POU6F2: variants seen among roughly 807,000 people sequenced by gnomAD.
The protein encoded by POU6F2 is POU class 6 homeobox 2.
A neutral mutation model predicts 71.3 loss-of-function variants in POU6F2; 31 were observed. That is an observed-to-expected ratio of 0.43 (90% CI 0.33 to 0.59). The LOEUF (loss-of-function observed/expected upper bound fraction) is 0.59. POU6F2 is among the 20% of genes least tolerant of loss of function. The pLI is 0.04. For synonymous variants in POU6F2, 347 were observed against 355.7 expected (o/e 0.98, Z 0.27); for missense variants, 783 against 856.8 (o/e 0.91, Z 1.07).
At chr7:39,304,003 C>A (rs944297921) in intron 4 of POU6F2, among the ~76,000 whole-genome samples, 1 of 152,158 alleles carries the variant, frequency 6.6e-6, no homozygotes, top group Non-Finnish European at 1.5e-5. Context: ...GATAATGTCA[C>A]CCCTTTGCAC....
intron 7 of POU6F2, 50 bp from the exon 8 acceptor site, chr7:39,451,483 C>G: frequency 6.6e-7 from 1 of 1,513,704 alleles, no homozygotes; most frequent in South Asian, 1.2e-5. Flanking sequence ...TGGCATTTTT[C>G]CCCTAATTTT....
In POU6F2 at chr7:39,310,973, C is replaced by A. The variant is rs1032372470; in HGVS notation, c.599-28669C>A. On this transcript the variant is annotated intron_variant, in intron 4 of 9. Transcript: ENST00000518318. ...TCCTTTGTTTCCAGTGAAAGCGACTCATCCTGAATTGGGGGGACAGTTAGG... is the reference window on the plus strand; with the variant it reads ...TCCTTTGTTTCCAGTGAAAGCGACTAATCCTGAATTGGGGGGACAGTTAGG... Among the ~76,000 whole-genome samples, 5 of 152,182 alleles carry A rather than the reference C, an allele frequency of 3.3e-5. No homozygotes were observed. The East Asian group carries it at 9.6e-4, about 29-fold the overall frequency.
intron 2 of POU6F2, among the ~76,000 whole-genome samples, chr7:39,156,080 T>A (rs1792863693): frequency 6.6e-6 from 1 of 152,142 alleles, no homozygotes; most frequent in Non-Finnish European, 1.5e-5. Flanking sequence ...GATAGAGACA[T>A]AATGACCTAA....
chr7:39,305,951 T>TCA (rs1279732312), intron 4 of POU6F2, among the ~76,000 whole-genome samples: 2 of 152,154 alleles, frequency 1.3e-5, no homozygotes, highest in Admixed American at 1.3e-4. Context: ...GAAATATGAC[T>TCA]CAATTTCTTT....
chr7:39,358,624 G>A (rs1477215176), intron 5 of POU6F2, among the ~76,000 whole-genome samples: 1 of 152,134 alleles, frequency 6.6e-6, no homozygotes, highest in Admixed American at 6.5e-5. Context: ...GTTATTTAAG[G>A]CTCAAGGGCA....
At chr7:39,143,664 T>C (rs960127176) in intron 2 of POU6F2, among the ~76,000 whole-genome samples, 26 of 152,152 alleles carry the variant, frequency 1.7e-4, no homozygotes, top group African/African-American at 6.0e-4. Context: ...CTGAGGTTTT[T>C]GTATTAGTCT....
At chr7:39,101,122 G>A (rs1231401812) in intron 2 of POU6F2, among the ~76,000 whole-genome samples, 1 of 149,874 alleles carries the variant, frequency 6.7e-6, no homozygotes, top group Non-Finnish European at 1.5e-5. Flanking sequence ...CACCCAGGCT[G>A]GAGTGCAATG....
rs183860602 is a variant in POU6F2, at chr7:39,409,080, T to A, written c.1113+2340T>A. 2.0e-5 allele frequency among the ~76,000 whole-genome samples: 3 copies of A among 152,340 alleles called. No individual in the cohort carries two copies. The East Asian group carries it at 5.8e-4, about 29-fold the overall frequency. ...ATACATTGGAACCAGATTCTTACAA[T>A]TAGCCTTTCTCAAAATACCATGTAA... On this transcript the variant is annotated intron_variant, in intron 6 of 9. Coordinates refer to ENST00000518318, the MANE Select transcript of POU6F2 (RefSeq NM_001370959.1).
intron 1 of POU6F2, among the ~76,000 whole-genome samples, chr7:39,069,923 T>C (rs970462422): frequency 6.6e-6 from 1 of 152,120 alleles, no homozygotes; most frequent in African/African-American, 2.4e-5. Context: ...GGTGCAGACC[T>C]GTGTAATTCA....
chr7:39,377,139 A>G (rs991872263), intron 5 of POU6F2, among the ~76,000 whole-genome samples: 12 of 149,582 alleles, frequency 8.0e-5, no homozygotes, highest in South Asian at 6.3e-4. Flanking sequence ...AATTATATAT[A>G]TATTTTTTTG....
rs1785868275 is a variant in POU6F2, at chr7:39,339,715, G to GCAGCCT, written c.674_679dup (p.Gln225_Pro226dup). The GCAGCCT allele has an allele frequency of 6.2e-7, 1 of 1,605,608 alleles. No homozygotes were observed. The highest frequency in any genetic ancestry group is 8.5e-7 in the Non-Finnish European group (1 of 1,177,868). Reference sequence around the variant, plus strand: ...AGCAGCAGCAGCAGCAGCAGCAGCAGCAGCCTCCCCCGTCAACCAACCAGC... The same window carrying GCAGCCT: ...AGCAGCAGCAGCAGCAGCAGCAGCAGCAGCCTCAGCCTCCCCCGTCAACCAACCAGC... On this transcript the variant is annotated inframe_insertion, in exon 5 of 10. Coordinates refer to ENST00000518318, the MANE Select transcript of POU6F2 (RefSeq NM_001370959.1).
intron 4 of POU6F2, among the ~76,000 whole-genome samples, chr7:39,229,852 T>G (rs932769552): frequency 7.9e-5 from 12 of 152,190 alleles, no homozygotes; most frequent in African/African-American, 2.4e-4. Context: ...ACTGACGTTT[T>G]GAGGATCTCG....
chr7:39,143,586 A>C (rs1792552167), intron 2 of POU6F2, among the ~76,000 whole-genome samples: 1 of 152,190 alleles, frequency 6.6e-6, no homozygotes. Flanking sequence ...GACTGACCAG[A>C]GATGGACATT....
chr7:39,237,169 G>A (rs757880472), intron 4 of POU6F2, among the ~76,000 whole-genome samples: 51 of 152,288 alleles, frequency 3.3e-4, no homozygotes, highest in Middle Eastern at 3.4e-3. Flanking sequence ...GGAGAGAGAA[G>A]GCGCATCAGC....
In POU6F2 at chr7:39,289,979, AAAG is replaced by A. The variant is rs533220718; in HGVS notation, c.599-49660_599-49658del. Among the ~76,000 whole-genome samples, 166 of 152,282 alleles carry A rather than the reference AAAG, an allele frequency of 1.1e-3. No individual in the cohort carries two copies. The South Asian group carries it at 0.031, about 29-fold the overall frequency. On this transcript the variant is annotated intron_variant, in intron 4 of 9. Coordinates refer to ENST00000518318, the MANE Select transcript of POU6F2 (RefSeq NM_001370959.1). ...GTTCTCACCACCCAGTGACATTTAC[AAAG>A]AATAGGCATAAGACTCAGGATGACA...
chr7:39,036,807 T>C (rs184152188), intron 1 of POU6F2, among the ~76,000 whole-genome samples: 1 of 151,970 alleles, frequency 6.6e-6, no homozygotes, highest in Non-Finnish European at 1.5e-5. Flanking sequence ...TATTTATTAT[T>C]CCATTTAATT....
At chr7:39,154,939 C>T (rs996764115) in intron 2 of POU6F2, among the ~76,000 whole-genome samples, 2 of 152,048 alleles carry the variant, frequency 1.3e-5, no homozygotes, top group Non-Finnish European at 2.9e-5. Context: ...ATACTATGTG[C>T]TGATTCATGC....
At chr7:39,187,193 G>T (rs1021273989) in intron 2 of POU6F2, among the ~76,000 whole-genome samples, 2 of 152,210 alleles carry the variant, frequency 1.3e-5, no homozygotes, top group Non-Finnish European at 2.9e-5. Context: ...TAAGCAGCTT[G>T]CTGGAGGTCC....
chr7:39,024,231 A>T (rs954678514), intron 1 of POU6F2, among the ~76,000 whole-genome samples: 1 of 151,868 alleles, frequency 6.6e-6, no homozygotes, highest in Non-Finnish European at 1.5e-5. Context: ...GTCCCTTGTA[A>T]GTTGGATTCC....
Sources: gnomAD v4.1 joint callset for allele counts (sites outside exome capture counted in the v4.1 genomes callset) on GRCh38, gnomAD v4.1.1 for gene constraint, MANE v1.5 for transcripts, NCBI Gene and HGNC (gene_info 2026-07-23, HGNC 2026-07-21) for gene names.